Variants in CSAD observed in about 807,000 individuals in gnomAD.
The protein encoded by CSAD is P-selectin cytoplasmic tail-associated protein.
CSAD carries 47 observed loss-of-function variants against 61.5 expected under a neutral mutation model. The ratio of observed to expected loss-of-function variants is 0.76; its 90% CI spans 0.60 to 0.97. The LOEUF (loss-of-function observed/expected upper bound fraction) is 0.97, where lower values mean the gene tolerates loss of function less well. Among genes scored for constraint, CSAD ranks in the 50% least tolerant of loss-of-function variants. The pLI is 0.00. For missense variants in CSAD, 611 were observed against 643.6 expected (o/e 0.95, Z 0.55); for synonymous variants, 245 against 252.7 (o/e 0.97, Z 0.29).
chr12:53,172,586 C>A lies in CSAD; in HGVS notation c.189G>T (p.Gln63His). Residue 63 changes from glutamine (Q) to histidine (H), a missense_variant, in exon 5 of 17, where the codon CAG becomes CAT. Physicochemically the swap from Gln to His is conservative, Grantham distance 24. Coordinates refer to ENST00000444623, the MANE Select transcript of CSAD (RefSeq NM_001244705.2). ...KQLLDLELRS[Q>H]GESQKQILER... Reference sequence around the variant, plus strand: ...CCAGGATCTGCTTCTGTGACTCGCCCTGGCTCCGCAGCTCCAAATCCAGCA... The same window carrying A: ...CCAGGATCTGCTTCTGTGACTCGCCATGGCTCCGCAGCTCCAAATCCAGCA... 1.2e-6 allele frequency: 2 copies of A among 1,612,422 alleles called. No individual in the cohort carries two copies. The highest frequency in any genetic ancestry group is 4.5e-5 in the East Asian group (2 of 44,752).
intron 10 of CSAD, among the ~76,000 whole-genome samples, chr12:53,162,441 G>A (rs534892382): frequency 3.9e-4 from 59 of 152,006 alleles, no homozygotes; most frequent in South Asian, 1.7e-3. Context: ...AGTGGCAGGC[G>A]CCTGTAATCC....
upstream of CSAD, chr12:53,181,105 C>T (rs534831669): frequency 3.9e-5 from 37 of 950,562 alleles, no homozygotes; most frequent in South Asian, 1.5e-3. Flanking sequence ...TCTCGGCACT[C>T]TCCGGCTCTG....
Position 53,171,869 on chromosome 12 carries a change from CCTT to C in CSAD, c.451+10_451+12del. The C allele has an allele frequency of 6.3e-7, 1 of 1,584,536 alleles. No homozygotes were observed. The highest frequency in any genetic ancestry group is 8.7e-7 in the Non-Finnish European group (1 of 1,153,596). On this transcript the variant is annotated intron_variant, in intron 7 of 16. Transcript: ENST00000444623. ...AAAAAGGGCAAAGAAAGGTCCTCCT[CCTT>C]CTCACAAACCAGGGCAGAAGATTCC...
intron 10 of CSAD, among the ~76,000 whole-genome samples, chr12:53,163,772 T>C (rs936201243): frequency 6.6e-6 from 1 of 152,152 alleles, no homozygotes; most frequent in Admixed American, 6.6e-5. Flanking sequence ...TAAATTCATA[T>C]GGAAATTCAA....
At chr12:53,174,723 C>T (rs369212458) in intron 2 of CSAD, among the ~76,000 whole-genome samples, 18 of 152,166 alleles carry the variant, frequency 1.2e-4, no homozygotes, top group African/African-American at 4.1e-4. Flanking sequence ...ACCTGTGAGG[C>T]GGAGGTTGCA....
intron 10 of CSAD, among the ~76,000 whole-genome samples, chr12:53,167,708 A>C (rs1940093019): frequency 6.6e-6 from 1 of 152,332 alleles, no homozygotes; most frequent in South Asian, 2.1e-4. Flanking sequence ...AAGTGGTATA[A>C]TCAAAAAAAG....
In CSAD at chr12:53,159,887, C is replaced by A. The variant is rs1198556858; in HGVS notation, c.1218G>T (p.Glu406Asp). ...GCCACAAAATAGAAAGGGGTCCTAC[C>A]TCCATGACTAGCTCAAACCCTTCCC... ...KKREGFELVM[E>D]PEFVNVCFWF... Residue 406 changes from glutamate (E) to aspartate (D), a missense_variant and splice_region_variant, in exon 15 of 17, where the codon GAG becomes GAT. Physicochemically the swap from Glu to Asp is conservative, Grantham distance 45 (BLOSUM62 2). Coordinates refer to ENST00000444623, the MANE Select transcript of CSAD (RefSeq NM_001244705.2). The A allele has an allele frequency of 6.3e-7, 1 of 1,595,132 alleles. No individual in the cohort carries two copies. Among genetic ancestry groups the A allele is most frequent in the South Asian group, 1.1e-5 (1 of 88,456 alleles).
intron 1 of CSAD, chr12:53,180,462 T>C (rs1160887775): frequency 1.9e-5 from 23 of 1,201,004 alleles, no homozygotes; most frequent in South Asian, 6.0e-5. Context: ...CCGAGGGTCC[T>C]GCCCTCAGTC....
At chr12:53,171,783 A>G (rs982482265) in intron 7 of CSAD, 99 bp downstream of exon 7, 5 of 826,658 alleles carry the variant, frequency 6.0e-6, no homozygotes, top group Non-Finnish European at 1.9e-6. Flanking sequence ...GGAATCAAAG[A>G]GGAATCATCC....
chr12:53,180,925 GGGGGAGGGGA>G, upstream of CSAD: 3 of 1,086,612 alleles, frequency 2.8e-6, no homozygotes, highest in Non-Finnish European at 3.4e-6. Context: ...CGCGCGGGAA[GGGGGAGGGGA>G]GGGGAGGAGG....
intron 2 of CSAD, among the ~76,000 whole-genome samples, chr12:53,176,474 C>T (rs1215474722): frequency 6.6e-6 from 1 of 150,880 alleles, no homozygotes; most frequent in Non-Finnish European, 1.5e-5. Context: ...AATCCCAGCA[C>T]TTTGGGAGGC....
chr12:53,171,205 C>T (rs191777995), intron 8 of CSAD, 121 bp downstream of exon 8: 2 of 1,477,894 alleles, frequency 1.4e-6, no homozygotes, highest in African/African-American at 2.8e-5. Flanking sequence ...GCACATCCGC[C>T]TGGGGGCAGG....
Position 53,159,899 on chromosome 12 carries a change from C to T in CSAD, c.1206G>A (p.Glu402=), listed in dbSNP as rs1477555709. 6.2e-7 allele frequency: 1 copy of T among 1,601,478 alleles called. No individual in the cohort carries two copies. Among genetic ancestry groups the T allele is most frequent in the Admixed American group, 1.7e-5 (1 of 58,516 alleles). The change falls in exon 15 of 17, where the codon GAG becomes GAA. Residue 402 remains glutamate (E), a synonymous_variant. Coordinates refer to ENST00000444623, the MANE Select transcript of CSAD (RefSeq NM_001244705.2). The part of the protein sequence containing the change: ...VEEMKKREGF[E]LVMEPEFVNV... The stretch of plus-strand genomic sequence containing the variant: ...AAAGGGGTCCTACCTCCATGACTAG[C>T]TCAAACCCTTCCCGCTTCTTCATTT...
chr12:53,171,308 C>T lies in CSAD; in HGVS notation c.567+18G>A. ...TTAGAATCAGGAGCCCAGGGTTGGG[C>T]CTGTGCCTCTTCCCCACCTCCTTCG... On this transcript the variant is annotated intron_variant, in intron 8 of 16. Transcript: ENST00000444623. 1 of 1,613,868 alleles carries T rather than the reference C, an allele frequency of 6.2e-7. No homozygotes were observed. The highest frequency in any genetic ancestry group is 8.5e-7 in the Non-Finnish European group (1 of 1,180,016).
At chr12:53,167,687 T>C (rs996275383) in intron 10 of CSAD, among the ~76,000 whole-genome samples, 7 of 152,134 alleles carry the variant, frequency 4.6e-5, no homozygotes, top group African/African-American at 1.7e-4. Context: ...AGATCCCACT[T>C]CACACCCACT....
chr12:53,171,648 C>G (rs1042163766), intron 7 of CSAD: 1 of 627,592 alleles, frequency 1.6e-6, no homozygotes, highest in Non-Finnish European at 2.8e-6. Context: ...GGGGCTGCCC[C>G]CAAGAGACAG....
At position 53,172,627 on chromosome 12, in the gene CSAD, C is replaced by A; in HGVS notation, c.148G>T (p.Glu50Ter). The A allele has an allele frequency of 6.2e-7, 1 of 1,608,184 alleles. No homozygotes were observed. The highest frequency in any genetic ancestry group is 8.5e-7 in the Non-Finnish European group (1 of 1,178,044). ...SQKVCEWKEP[E>*]ELKQLLDLEL... The stretch of plus-strand genomic sequence containing the variant: ...AAATCCAGCAGCTGCTTCAGCTCCT[C>A]AGGCTCCTTCCACTCACAGACCTAG... The change falls in exon 5 of 17, where the codon GAG becomes TAG. Residue 50 changes from glutamate to a stop codon, truncating the protein, a stop_gained. Coordinates refer to ENST00000444623, the MANE Select transcript of CSAD (RefSeq NM_001244705.2). LOFTEE classifies it high-confidence loss of function.
At chr12:53,179,370 C>T (rs1592371123) in intron 1 of CSAD, among the ~76,000 whole-genome samples, 1 of 152,146 alleles carries the variant, frequency 6.6e-6, no homozygotes, top group Non-Finnish European at 1.5e-5. Flanking sequence ...TTTGTATGAA[C>T]ACAGAAAAAA....
intron 9 of CSAD, 126 bp from the exon 10 acceptor site, chr12:53,170,252 G>A: frequency 9.7e-7 from 1 of 1,026,848 alleles, no homozygotes; most frequent in East Asian, 2.5e-5. Context: ...AGATCTCAGG[G>A]CAGAGGTGGG....
Sources: allele counts gnomAD v4.1 joint callset (sites outside exome capture counted in the v4.1 genomes callset), GRCh38; gene constraint gnomAD v4.1.1; transcripts MANE v1.5; gene names NCBI Gene and HGNC (gene_info 2026-07-23, HGNC 2026-07-21).